The following LAMA2 variants were observed in gnomAD, a reference collection of about 807,000 sequenced individuals.
LAMA2 encodes the protein laminin subunit alpha-2.
A neutral mutation model predicts 364.8 loss-of-function variants in LAMA2; 269 were observed. The ratio of observed to expected loss-of-function variants is 0.74; its 90% confidence interval spans 0.67 to 0.82. The LOEUF is 0.82. Among genes scored for constraint, LAMA2 ranks in the 40% least tolerant of loss-of-function variants. The probability of loss-of-function intolerance (pLI) is 0.00; values close to 1 mark genes in which losing one functional copy is unlikely to be tolerated. For synonymous variants in LAMA2, 1,379 were observed against 1,370.6 expected, an observed-to-expected ratio of 1.01 and a Z score of -0.14; for missense variants, 3,807 against 3,873.2, an observed-to-expected ratio of 0.98 and a Z score of 0.45.
intron 63 of LAMA2, among the ~76,000 whole-genome samples, chr6:129,512,842 G>A (rs921674770): frequency 3.9e-5 from 6 of 152,158 alleles, no homozygotes; most frequent in African/African-American, 1.4e-4. Context: ...ACTCCAGTGG[G>A]AGAAAAGGCA....
At chr6:128,891,832 A>C (rs1776471317) in intron 1 of LAMA2, among the ~76,000 whole-genome samples, 1 of 152,034 alleles carries the variant, frequency 6.6e-6, no homozygotes, top group African/African-American at 2.4e-5. Flanking sequence ...AAAAACTCTT[A>C]TCAATACGTA....
chr6:129,286,396 T>C (rs750993165), intron 18 of LAMA2, among the ~76,000 whole-genome samples: 1 of 150,726 alleles, frequency 6.6e-6, no homozygotes, highest in African/African-American at 2.4e-5. Flanking sequence ...AAATAGGCGC[T>C]GCCTATAAGG....
At chr6:129,013,491 G>A (rs1158864762) in intron 1 of LAMA2, among the ~76,000 whole-genome samples, 1 of 152,014 alleles carries the variant, frequency 6.6e-6, no homozygotes, top group Non-Finnish European at 1.5e-5. Flanking sequence ...CAAATGGCTA[G>A]ACAGCTATTA....
At chr6:129,020,498 G>C (rs764245844) in intron 1 of LAMA2, among the ~76,000 whole-genome samples, 5 of 152,152 alleles carry the variant, frequency 3.3e-5, no homozygotes, top group African/African-American at 1.2e-4. Context: ...AGGAAATAAG[G>C]ACTTAAAGTC....
intron 1 of LAMA2, among the ~76,000 whole-genome samples, chr6:128,940,234 T>C (rs1044771066): frequency 2.0e-5 from 3 of 152,104 alleles, no homozygotes; most frequent in Non-Finnish European, 4.4e-5. Context: ...AGTCAAATAT[T>C]ACTTCCTTAG....
chr6:128,894,001 T>C (rs1242258674), intron 1 of LAMA2, among the ~76,000 whole-genome samples: 2 of 152,096 alleles, frequency 1.3e-5, no homozygotes, highest in African/African-American at 4.8e-5. Flanking sequence ...ACAACAAACA[T>C]AGATAAGCTA....
intron 18 of LAMA2, among the ~76,000 whole-genome samples, chr6:129,282,788 A>G (rs1788816802): frequency 6.6e-6 from 1 of 152,052 alleles, no homozygotes. Context: ...TCATTTTTCC[A>G]TCTGCCTTTC....
At chr6:129,443,000 A>G (rs1415526622) in intron 43 of LAMA2, 63 bp from the exon 44 acceptor site, 2 of 1,286,276 alleles carry the variant, frequency 1.6e-6, no homozygotes, top group South Asian at 1.3e-5. Context: ...ATATTTATAG[A>G]AAATACTTCC....
At position 129,430,406 on chromosome 6, in the gene LAMA2, T is replaced by A. The variant is rs114876430; in HGVS notation, c.5968+2552T>A. Among the ~76,000 whole-genome samples, 919 of 152,348 alleles carry A rather than the reference T, an allele frequency of 6.0e-3. 8 individuals carry two copies. Among genetic ancestry groups the A allele is most frequent in the African/African-American group, 0.02 (820 of 41,584 alleles). ...TTAGTACTGCTCCCTGCCATTTTTA[T>A]GCTGTCCTTGCCTTGAGGGAATCTG... On this transcript the variant is annotated intron_variant, in intron 41 of 64. Coordinates refer to ENST00000421865, the MANE Select transcript of LAMA2 (RefSeq NM_000426.4).
At chr6:128,917,709 TCTTTCTTTCTTTCTTTCTTTCTTTC>T in intron 1 of LAMA2, among the ~76,000 whole-genome samples, 1 of 116,988 alleles carries the variant, frequency 8.5e-6, no homozygotes, top group African/African-American at 3.7e-5. Context: ...CTTTTTTTTT[TCTTTCTTTCTTTCTTTCTTTCTTTC>T]TTTTTTTTTT....
At chr6:129,286,454 T>C (rs901732121) in intron 18 of LAMA2, among the ~76,000 whole-genome samples, 1 of 146,860 alleles carries the variant, frequency 6.8e-6, no homozygotes, top group Non-Finnish European at 1.5e-5. Flanking sequence ...AAACATAACA[T>C]TTAGGTCAGA....
rs983085575 is a variant in LAMA2, at chr6:129,384,812, T to G, written c.5071+1579T>G. 3.9e-5 allele frequency among the ~76,000 whole-genome samples: 6 copies of G among 152,074 alleles called. 1 individual carries two copies. Among genetic ancestry groups the G allele is most frequent in the Admixed American group, 2.6e-4 (4 of 15,282 alleles). The stretch of plus-strand genomic sequence containing the variant: ...TTATGCATAGATCAGGTGGTCTGAT[T>G]GTGTCTGTCCAGATAGGGCACCCTT... On this transcript the variant is annotated intron_variant, in intron 35 of 64. Coordinates refer to ENST00000421865, the MANE Select transcript of LAMA2 (RefSeq NM_000426.4).
intron 1 of LAMA2, among the ~76,000 whole-genome samples, chr6:128,939,549 A>C (rs1044079089): frequency 1.3e-5 from 2 of 152,190 alleles, no homozygotes; most frequent in Non-Finnish European, 2.9e-5. Flanking sequence ...GATTAATTGC[A>C]CAGATATTTT....
chr6:129,041,993 C>T (rs1438171725), intron 1 of LAMA2, among the ~76,000 whole-genome samples: 3 of 86,984 alleles, frequency 3.4e-5, no homozygotes, highest in Non-Finnish European at 7.0e-5. Flanking sequence ...CAGAATGAGA[C>T]CCTGTCTCAA....
intron 12 of LAMA2, 23 bp from the exon 13 acceptor site, chr6:129,250,089 A>T: frequency 7.4e-7 from 1 of 1,349,154 alleles, no homozygotes; most frequent in Non-Finnish European, 1.1e-6. Flanking sequence ...TCCCGTAATG[A>T]TTATGCATCT....
At chr6:129,222,013 C>G (rs1022959511) in intron 12 of LAMA2, among the ~76,000 whole-genome samples, 4 of 152,088 alleles carry the variant, frequency 2.6e-5, no homozygotes, top group African/African-American at 7.2e-5. Flanking sequence ...CTGAAATTAT[C>G]TTTTTAAAAA....
At chr6:129,018,662 A>G (rs528510328) in intron 1 of LAMA2, among the ~76,000 whole-genome samples, 2 of 152,088 alleles carry the variant, frequency 1.3e-5, no homozygotes, top group African/African-American at 4.8e-5. Context: ...GGTCCTATTC[A>G]TATATCTCAA....
At chr6:129,027,766 G>C (rs1785933280) in intron 1 of LAMA2, among the ~76,000 whole-genome samples, 1 of 151,916 alleles carries the variant, frequency 6.6e-6, no homozygotes, top group African/African-American at 2.4e-5. Flanking sequence ...TGGGAAGTGA[G>C]ATGCTGTGTT....
intron 30 of LAMA2, 88 bp from the exon 31 acceptor site, chr6:129,349,210 T>C (rs1467586185): frequency 4.1e-6 from 4 of 985,284 alleles, no homozygotes; most frequent in Non-Finnish European, 6.4e-6. Flanking sequence ...TAAAAGTATG[T>C]CCCAATAACC....
Sources: allele counts gnomAD v4.1 joint callset (sites outside exome capture counted in the v4.1 genomes callset), GRCh38; gene constraint gnomAD v4.1.1; transcripts MANE v1.5; gene names NCBI Gene and HGNC (gene_info 2026-07-23, HGNC 2026-07-21).